Variants in PDZRN4 observed in about 807,000 individuals in gnomAD.
The protein encoded by PDZRN4 is PDZ domain containing ring finger 4.
PDZRN4 carries 70 observed loss-of-function variants against 99.0 expected under a neutral mutation model. The observed-to-expected ratio is 0.71, with a 90% confidence interval of 0.58 to 0.86. The LOEUF is 0.86. Ranked by LOEUF, PDZRN4 falls within the 40% of genes least tolerant of loss-of-function variation. The probability of loss-of-function intolerance (pLI) is 0.00; values close to 1 mark genes in which losing one functional copy is unlikely to be tolerated. For missense variants in PDZRN4, 1,474 were observed against 1,331.2 expected (o/e 1.11, Z -1.67); for synonymous variants, 551 against 501.6 (o/e 1.10, Z -1.32).
chr12:41,321,911 G>A (rs887347001), intron 3 of PDZRN4, among the ~76,000 whole-genome samples: 2 of 151,986 alleles, frequency 1.3e-5, no homozygotes, highest in Non-Finnish European at 2.9e-5. Context: ...CATTTAGGTG[G>A]ATATGTTTGT....
intron 3 of PDZRN4, among the ~76,000 whole-genome samples, chr12:41,270,248 G>C (rs73120971): frequency 0.024 from 3,592 of 150,872 alleles, 147 homozygotes; most frequent in African/African-American, 0.083. Context: ...GATAATTTTT[G>C]GATCGTAACT....
chr12:41,218,499 A>G (rs1027023826), intron 3 of PDZRN4, among the ~76,000 whole-genome samples: 10 of 141,954 alleles, frequency 7.0e-5, no homozygotes, highest in African/African-American at 2.7e-4. Context: ...TTTTGTTTCA[A>G]AAAAAATTTA....
chr12:41,383,313 G>T (rs992407943), intron 3 of PDZRN4, among the ~76,000 whole-genome samples: 2 of 152,188 alleles, frequency 1.3e-5, no homozygotes, highest in Non-Finnish European at 2.9e-5. Flanking sequence ...TTCTGTGGAG[G>T]CACTCTGAGA....
intron 3 of PDZRN4, among the ~76,000 whole-genome samples, chr12:41,373,959 T>A (rs1187810427): frequency 1.3e-5 from 2 of 152,132 alleles, no homozygotes; most frequent in Non-Finnish European, 2.9e-5. Flanking sequence ...CCGTTCGGGG[T>A]CCCTGACTTC....
intron 3 of PDZRN4, among the ~76,000 whole-genome samples, chr12:41,384,694 A>C (rs1592037693): frequency 6.6e-6 from 1 of 152,140 alleles, no homozygotes; most frequent in East Asian, 1.9e-4. Flanking sequence ...TGTATAGTGT[A>C]AGGCAAAAAG....
chr12:41,334,190 G>T (rs1951757919), intron 3 of PDZRN4, among the ~76,000 whole-genome samples: 1 of 151,926 alleles, frequency 6.6e-6, no homozygotes, highest in Non-Finnish European at 1.5e-5. Context: ...GTCTTTGCTG[G>T]CCTCACACCA....
intron 5 of PDZRN4, among the ~76,000 whole-genome samples, chr12:41,542,103 CTTA>C (rs1411955659): frequency 2.0e-5 from 3 of 152,212 alleles, no homozygotes; most frequent in African/African-American, 7.2e-5. Context: ...TCACCCCGTC[CTTA>C]TGGATTGCTT....
chr12:41,306,712 GT>G lies in PDZRN4; in HGVS notation c.843+112528del, dbSNP rs1399379025. Among the ~76,000 whole-genome samples, 3 of 152,166 alleles carry G rather than the reference GT, an allele frequency of 2.0e-5. No individual in the cohort carries two copies. In the East Asian group the frequency reaches 5.8e-4, roughly 29 times the overall value. On this transcript the variant is annotated intron_variant, in intron 3 of 9. Transcript: ENST00000402685. Reference sequence around the variant, plus strand: ...CTTCAATTCATTTCTCTCTTCTTGAGTTTTGCTAGAAGCAGTCAGGAGAAAC... The same window carrying G: ...CTTCAATTCATTTCTCTCTTCTTGAGTTTGCTAGAAGCAGTCAGGAGAAAC...
intron 3 of PDZRN4, among the ~76,000 whole-genome samples, chr12:41,293,471 A>G (rs1565543944): frequency 6.6e-6 from 1 of 151,770 alleles, no homozygotes; most frequent in Non-Finnish European, 1.5e-5. Flanking sequence ...AATAGCCATA[A>G]AGCCAGTGGC....
At chr12:41,407,367 G>C (rs1252943813) in intron 3 of PDZRN4, among the ~76,000 whole-genome samples, 2 of 152,186 alleles carry the variant, frequency 1.3e-5, no homozygotes, top group Non-Finnish European at 2.9e-5. Context: ...CTGAGCAAAG[G>C]GTTCTTTGTG....
intron 3 of PDZRN4, among the ~76,000 whole-genome samples, chr12:41,471,203 A>C (rs1284500247): frequency 6.6e-6 from 1 of 152,216 alleles, no homozygotes; most frequent in Non-Finnish European, 1.5e-5. Context: ...AAATATTATG[A>C]AAGTATGCAA....
intron 3 of PDZRN4, among the ~76,000 whole-genome samples, chr12:41,485,032 C>T (rs1484814956): frequency 6.6e-6 from 1 of 152,128 alleles, no homozygotes; most frequent in African/African-American, 2.4e-5. Context: ...ACCTCAGCCT[C>T]CTCAGGGAAA....
intron 3 of PDZRN4, among the ~76,000 whole-genome samples, chr12:41,464,123 A>T (rs376683767): frequency 2.0e-5 from 3 of 152,154 alleles, no homozygotes; most frequent in African/African-American, 7.2e-5. Context: ...TCCACACTCT[A>T]TAACACCAGC....
intron 3 of PDZRN4, among the ~76,000 whole-genome samples, chr12:41,232,502 C>T (rs926303438): frequency 6.6e-6 from 1 of 152,078 alleles, no homozygotes; most frequent in Non-Finnish European, 1.5e-5. Flanking sequence ...GATGAAGTTT[C>T]TCTTATCCTT....
intron 3 of PDZRN4, among the ~76,000 whole-genome samples, chr12:41,247,568 A>G (rs993250465): frequency 6.6e-6 from 1 of 152,136 alleles, no homozygotes; most frequent in South Asian, 2.1e-4. Context: ...TTTGACTCCA[A>G]TTCCTGGGTT....
chr12:41,565,553 A>G (rs1939354485), intron 8 of PDZRN4, among the ~76,000 whole-genome samples: 1 of 150,008 alleles, frequency 6.7e-6, no homozygotes, highest in African/African-American at 2.4e-5. Context: ...ATTCGGGGAG[A>G]ATGTGGAAGC....
chr12:41,434,357 G>A (rs956038946), intron 3 of PDZRN4, among the ~76,000 whole-genome samples: 7 of 152,068 alleles, frequency 4.6e-5, no homozygotes, highest in South Asian at 2.1e-4. Flanking sequence ...TCTGTCTCAG[G>A]TGGCACATAT....
At chr12:41,421,667 G>A (rs182551313) in intron 3 of PDZRN4, among the ~76,000 whole-genome samples, 112 of 152,168 alleles carry the variant, frequency 7.4e-4, no homozygotes, top group Admixed American at 1.2e-3. Context: ...CACACTTTGC[G>A]CCAGACTAAA....
At chr12:41,253,376 CT>C (rs1951183950) in intron 3 of PDZRN4, among the ~76,000 whole-genome samples, 1 of 152,184 alleles carries the variant, frequency 6.6e-6, no homozygotes, top group Non-Finnish European at 1.5e-5. Flanking sequence ...TAGTTTCATT[CT>C]TCTGCATACA....
Sources: gnomAD v4.1 joint callset for allele counts (sites outside exome capture counted in the v4.1 genomes callset) on GRCh38, gnomAD v4.1.1 for gene constraint, MANE v1.5 for transcripts, NCBI Gene and HGNC (gene_info 2026-07-23, HGNC 2026-07-21) for gene names.